CFAP20DC: variants seen among roughly 807,000 people sequenced by gnomAD.
CFAP20DC encodes the protein CFAP20 domain containing, also known as protein CFAP20DC.
CFAP20DC carries 84 observed loss-of-function variants against 101.7 expected under a neutral mutation model. The ratio of observed to expected loss-of-function variants is 0.83; its 90% CI spans 0.69 to 0.99. The LOEUF is 0.99. CFAP20DC is among the 50% of genes least tolerant of loss of function. The pLI, the probability that CFAP20DC is intolerant of heterozygous loss-of-function variation, is 0.00. For missense variants in CFAP20DC, 1,007 were observed against 970.3 expected (o/e 1.04, Z -0.50); for synonymous variants, 359 against 351.2 (o/e 1.02, Z -0.25).
chr3:58,842,907 A>G (rs2108212033), intron 13 of CFAP20DC, among the ~76,000 whole-genome samples: 1 of 152,316 alleles, frequency 6.6e-6, no homozygotes, highest in Non-Finnish European at 1.5e-5. Flanking sequence ...GGGCACACTG[A>G]CACCTCACAC....
chr3:58,871,043 TA>T, intron 7 of CFAP20DC, among the ~76,000 whole-genome samples: 1 of 152,010 alleles, frequency 6.6e-6, no homozygotes, highest in South Asian at 2.1e-4. Context: ...AGGCATTTCC[TA>T]GAGGCCGTCA....
At chr3:58,766,502 C>T (rs1266033132) in intron 15 of CFAP20DC, among the ~76,000 whole-genome samples, 1 of 152,206 alleles carries the variant, frequency 6.6e-6, no homozygotes, top group Non-Finnish European at 1.5e-5. Flanking sequence ...CTCATATTCA[C>T]TCATCCTGGC....
At position 58,871,571 on chromosome 3, in the gene CFAP20DC, C is replaced by A. The variant is rs180891043; in HGVS notation, c.716-1262G>T. Among the ~76,000 whole-genome samples, 520 of 150,090 alleles carry A rather than the reference C, an allele frequency of 3.5e-3. 1 individual carries two copies. Among genetic ancestry groups the A allele is most frequent in the African/African-American group, 0.011 (455 of 40,818 alleles). ...TTGAGACAGTCTTGCTTTTGTCACA[C>A]GAGCTGGAGTGCAGTGGCATGTTCT... On this transcript the variant is annotated intron_variant, in intron 7 of 16. Transcript: ENST00000482387.
chr3:58,876,854 A>C (rs989564128), intron 7 of CFAP20DC, among the ~76,000 whole-genome samples: 2 of 152,234 alleles, frequency 1.3e-5, no homozygotes, highest in African/African-American at 4.8e-5. Flanking sequence ...CCAAAAGTCC[A>C]AACTTGGATT....
At chr3:58,995,867 G>T (rs1382618528) in intron 4 of CFAP20DC, among the ~76,000 whole-genome samples, 1 of 152,146 alleles carries the variant, frequency 6.6e-6, no homozygotes, top group Admixed American at 6.5e-5. Context: ...CAGGCCTTCA[G>T]ACTCAACCTG....
At chr3:58,949,378 G>A (rs535126513) in intron 4 of CFAP20DC, among the ~76,000 whole-genome samples, 21 of 151,926 alleles carry the variant, frequency 1.4e-4, no homozygotes, top group Middle Eastern at 3.4e-3. Context: ...GTGATGTTAC[G>A]GTGTCAATTT....
chr3:58,741,138 C>G (rs896284550), downstream of CFAP20DC, among the ~76,000 whole-genome samples: 4 of 152,256 alleles, frequency 2.6e-5, no homozygotes, highest in South Asian at 6.2e-4. Flanking sequence ...CAACTGTACA[C>G]CAATAAATTT....
chr3:58,990,795 C>G (rs186366381), intron 4 of CFAP20DC, among the ~76,000 whole-genome samples: 1 of 129,162 alleles, frequency 7.7e-6, no homozygotes, highest in East Asian at 2.0e-4. Context: ...GTGTGTAATG[C>G]AAATATTCCA....
chr3:58,792,688 T>A (rs1236347427), intron 15 of CFAP20DC, among the ~76,000 whole-genome samples: 1 of 151,740 alleles, frequency 6.6e-6, no homozygotes, highest in Middle Eastern at 3.2e-3. Flanking sequence ...GAACTACTTT[T>A]ATCTAGTATC....
downstream of CFAP20DC, among the ~76,000 whole-genome samples, chr3:58,740,431 G>T (rs1004637847): frequency 6.6e-6 from 1 of 152,124 alleles, no homozygotes; most frequent in African/African-American, 2.4e-5. This position sits in a 1 kb window ranked among gnomAD's most constrained non-coding sequence, Gnocchi z 4.6. Context: ...CTGTCAATTT[G>T]GTGGCCATCA....
intron 4 of CFAP20DC, among the ~76,000 whole-genome samples, chr3:58,994,660 T>G (rs1243981489): frequency 6.6e-6 from 1 of 152,150 alleles, no homozygotes; most frequent in Non-Finnish European, 1.5e-5. Flanking sequence ...TCTAGACACC[T>G]CCAATCATCA....
chr3:58,910,841 T>C (rs1421618579), intron 6 of CFAP20DC, among the ~76,000 whole-genome samples: 1 of 152,036 alleles, frequency 6.6e-6, no homozygotes, highest in African/African-American at 2.4e-5. Flanking sequence ...AGCCTCAAAA[T>C]ATTTCCTAAG....
intron 3 of CFAP20DC, among the ~76,000 whole-genome samples, chr3:58,720,674 C>T (rs1247449927): frequency 6.6e-6 from 1 of 152,198 alleles, no homozygotes; most frequent in African/African-American, 2.4e-5. Context: ...GGCATTACAG[C>T]TCGGACTATA....
intron 6 of CFAP20DC, among the ~76,000 whole-genome samples, chr3:58,909,480 C>T (rs2083930050): frequency 6.6e-6 from 1 of 152,096 alleles, no homozygotes; most frequent in Admixed American, 6.6e-5. Flanking sequence ...CTAAATCCTC[C>T]ATTAGCACTA....
intron 5 of CFAP20DC, among the ~76,000 whole-genome samples, chr3:58,921,326 T>C (rs1041809929): frequency 1.3e-5 from 2 of 152,090 alleles, no homozygotes; most frequent in Non-Finnish European, 2.9e-5. Context: ...TAGATGCTTA[T>C]ATAATTAATT....
chr3:59,013,009 T>TA (rs2093619604), intron 4 of CFAP20DC, among the ~76,000 whole-genome samples: 3 of 152,284 alleles, frequency 2.0e-5, no homozygotes, highest in Admixed American at 2.0e-4. Flanking sequence ...CATGAAGACT[T>TA]AGACATTAAA....
intron 14 of CFAP20DC, among the ~76,000 whole-genome samples, chr3:58,825,347 T>C (rs1290326813): frequency 3.3e-5 from 5 of 152,328 alleles, no homozygotes; most frequent in Non-Finnish European, 5.9e-5. Flanking sequence ...ATGCATTTCA[T>C]GTACTCATTC....
chr3:58,946,720 A>G (rs914667783), intron 4 of CFAP20DC, among the ~76,000 whole-genome samples: 5 of 152,180 alleles, frequency 3.3e-5, no homozygotes, highest in African/African-American at 1.2e-4. Context: ...AATTGGTACA[A>G]GAGGAAGAGA....
At chr3:58,816,181 T>C (rs1436899431) in intron 14 of CFAP20DC, among the ~76,000 whole-genome samples, 1 of 151,888 alleles carries the variant, frequency 6.6e-6, no homozygotes, top group Non-Finnish European at 1.5e-5. Context: ...TATGCAGCCA[T>C]AAAAAATGAT....
Sources: allele counts gnomAD v4.1 joint callset (sites outside exome capture counted in the v4.1 genomes callset), GRCh38; gene constraint gnomAD v4.1.1; non-coding constraint Gnocchi (gnomAD v3.1); transcripts MANE v1.5; gene names NCBI Gene and HGNC (gene_info 2026-07-23, HGNC 2026-07-21).